Variants in GRID2 observed in about 807,000 individuals in gnomAD.
GRID2 encodes the protein glutamate ionotropic receptor delta type subunit 2, also known as glutamate receptor ionotropic, delta-2.
GRID2 carries 33 observed loss-of-function variants against 114.8 expected under a neutral mutation model. That is an observed-to-expected ratio of 0.29 (90% confidence interval 0.22 to 0.38). The LOEUF (loss-of-function observed/expected upper bound fraction) is 0.38, where lower values mean the gene tolerates loss of function less well. GRID2 is among the 10% of genes least tolerant of loss of function. The pLI, the probability that GRID2 is intolerant of heterozygous loss-of-function variation, is 1.00. For synonymous variants in GRID2, 505 were observed against 449.9 expected, an observed-to-expected ratio of 1.12 and a Z score of -1.55; for missense variants, 1,184 against 1,257.7, an observed-to-expected ratio of 0.94 and a Z score of 0.89.
intron 8 of GRID2, among the ~76,000 whole-genome samples, chr4:93,249,487 C>T (rs940279447): frequency 2.0e-5 from 3 of 151,926 alleles, no homozygotes; most frequent in East Asian, 1.9e-4. Flanking sequence ...TTCATGATAT[C>T]GATTATTCCT....
intron 2 of GRID2, among the ~76,000 whole-genome samples, chr4:92,668,919 A>C (rs1188219770): frequency 6.6e-6 from 1 of 151,888 alleles, no homozygotes; most frequent in Non-Finnish European, 1.5e-5. Context: ...AGAGGAATAT[A>C]TTGGGCCTTG....
At chr4:93,707,575 G>T (rs902756975) in intron 14 of GRID2, among the ~76,000 whole-genome samples, 3 of 151,454 alleles carry the variant, frequency 2.0e-5, no homozygotes, top group Non-Finnish European at 4.4e-5. Context: ...TTATTTATTT[G>T]GCTCTTCTCT....
In GRID2 at chr4:92,368,941, G is replaced by A. The variant is rs551667072; in HGVS notation, c.88+64197G>A. On this transcript the variant is annotated intron_variant, in intron 1 of 15. Coordinates refer to ENST00000282020, the MANE Select transcript of GRID2 (RefSeq NM_001510.4). ...CATGTTTCAATTGAATGAGCAAATT[G>A]TGAAAAAAAAAAAAAAAAGTATTAG... Among the ~76,000 whole-genome samples the A allele has an allele frequency of 3.1e-5, 4 of 129,004 alleles. No individual in the cohort carries two copies. In the East Asian group the frequency reaches 8.4e-4, roughly 27 times the overall value. 84.6% of individuals were successfully genotyped at this position (129,004 alleles called of 152,430 possible).
intron 7 of GRID2, among the ~76,000 whole-genome samples, chr4:93,237,019 TG>T (rs1312919490): frequency 6.6e-6 from 1 of 151,960 alleles, no homozygotes; most frequent in East Asian, 1.9e-4. Flanking sequence ...AATAATCTTC[TG>T]GGGTAGGCAC....
chr4:92,481,322 G>C (rs998793332), intron 1 of GRID2, among the ~76,000 whole-genome samples: 11 of 152,058 alleles, frequency 7.2e-5, no homozygotes, highest in African/African-American at 2.2e-4. Context: ...ATTACGGAAA[G>C]AAAAAGATAG....
At chr4:92,595,480 C>T (rs1728908199) in intron 2 of GRID2, among the ~76,000 whole-genome samples, 1 of 151,888 alleles carries the variant, frequency 6.6e-6, no homozygotes, top group Admixed American at 6.6e-5. Flanking sequence ...GATCATCTTG[C>T]AAGTTTCAGT....
At chr4:92,547,149 T>C (rs1560703402) in intron 1 of GRID2, among the ~76,000 whole-genome samples, 1 of 152,176 alleles carries the variant, frequency 6.6e-6, no homozygotes, top group Admixed American at 6.6e-5. Context: ...CTTATCTCAT[T>C]TTAGTTAACA....
chr4:93,582,164 G>A (rs2196318), intron 13 of GRID2, among the ~76,000 whole-genome samples: 1 of 152,066 alleles, frequency 6.6e-6, no homozygotes, highest in South Asian at 2.1e-4. Context: ...GGAGGTTTTA[G>A]GAGAGAGCCC....
At chr4:93,355,391 G>A (rs1047297892) in intron 8 of GRID2, among the ~76,000 whole-genome samples, 1 of 152,008 alleles carries the variant, frequency 6.6e-6, no homozygotes, top group Non-Finnish European at 1.5e-5. Context: ...TTGACTGGGG[G>A]CTCCAGTGGG....
intron 8 of GRID2, among the ~76,000 whole-genome samples, chr4:93,356,411 T>A (rs1351426012): frequency 7.3e-6 from 1 of 136,992 alleles, no homozygotes; most frequent in African/African-American, 3.5e-5. Context: ...AAAGAATAAA[T>A]TTTTTTTTCA....
chr4:92,624,639 A>G (rs1229632298), intron 2 of GRID2, among the ~76,000 whole-genome samples: 1 of 151,828 alleles, frequency 6.6e-6, no homozygotes, highest in South Asian at 2.1e-4. Flanking sequence ...AGTTTCTCTC[A>G]GTAAATTCGA....
intron 14 of GRID2, among the ~76,000 whole-genome samples, chr4:93,700,500 T>A (rs1405351691): frequency 6.6e-6 from 1 of 152,160 alleles, no homozygotes; most frequent in Admixed American, 6.6e-5. Context: ...AAAGAGTAGC[T>A]CATTCCATAC....
At chr4:93,436,474 C>T (rs968595295) in intron 10 of GRID2, among the ~76,000 whole-genome samples, 10 of 152,082 alleles carry the variant, frequency 6.6e-5, no homozygotes, top group African/African-American at 1.7e-4. Context: ...GGTAGCTACA[C>T]GCAAAACACC....
chr4:92,491,855 G>A (rs1257296517), intron 1 of GRID2, among the ~76,000 whole-genome samples: 2 of 152,116 alleles, frequency 1.3e-5, no homozygotes, highest in African/African-American at 4.8e-5. Context: ...ACTTTATAGA[G>A]TACTTTTTGG....
At chr4:92,711,150 G>A (rs1399061540) in intron 2 of GRID2, among the ~76,000 whole-genome samples, 3 of 152,018 alleles carry the variant, frequency 2.0e-5, no homozygotes, top group East Asian at 1.9e-4. Context: ...GGGGTTGATT[G>A]CATAGGTACA....
chr4:92,701,268 G>T (rs191941541), intron 2 of GRID2, among the ~76,000 whole-genome samples: 2 of 151,992 alleles, frequency 1.3e-5, no homozygotes, highest in Admixed American at 1.3e-4. Flanking sequence ...CCCTTAAATC[G>T]TTCCTAGAAC....
chr4:93,015,871 A>G (rs1326746700), intron 2 of GRID2, among the ~76,000 whole-genome samples: 1 of 152,106 alleles, frequency 6.6e-6, no homozygotes, highest in East Asian at 1.9e-4. Flanking sequence ...AACCCCCCAA[A>G]CAAAACAAAA....
intron 2 of GRID2, among the ~76,000 whole-genome samples, chr4:93,036,020 C>A (rs560182482): frequency 1.3e-5 from 2 of 152,242 alleles, no homozygotes; most frequent in Non-Finnish European, 2.9e-5. Context: ...AAAGTTGATT[C>A]TTTGCCTAGT....
chr4:92,310,660 A>G (rs1006711636), intron 1 of GRID2, among the ~76,000 whole-genome samples: 3 of 152,062 alleles, frequency 2.0e-5, no homozygotes, highest in Admixed American at 6.6e-5. Context: ...ATCTCAATTT[A>G]TAAATAGCTA....
Sources: gnomAD v4.1 joint callset for allele counts (sites outside exome capture counted in the v4.1 genomes callset) on GRCh38, gnomAD v4.1.1 for gene constraint, MANE v1.5 for transcripts, NCBI Gene and HGNC (gene_info 2026-07-23, HGNC 2026-07-21) for gene names.